SLC5A1: variants seen among roughly 807,000 people sequenced by gnomAD.
SLC5A1 encodes the protein sodium/glucose cotransporter 1.
Under a neutral mutation model 73.5 loss-of-function variants are expected in SLC5A1, and 42 were observed. That is an observed-to-expected ratio of 0.57 (90% CI 0.45 to 0.74). The LOEUF (loss-of-function observed/expected upper bound fraction) is 0.74. Ranked by LOEUF, SLC5A1 falls within the 30% of genes least tolerant of loss-of-function variation. The probability of loss-of-function intolerance (pLI) is 0.00; values close to 1 mark genes in which losing one functional copy is unlikely to be tolerated. For synonymous variants in SLC5A1, 300 were observed against 317.4 expected, an observed-to-expected ratio of 0.95 and a Z score of 0.58; for missense variants, 634 against 855.4, an observed-to-expected ratio of 0.74 and a Z score of 3.23.
chr22:32,070,256 C>A (rs1441669477), intron 5 of SLC5A1, among the ~76,000 whole-genome samples: 2 of 76,400 alleles, frequency 2.6e-5, no homozygotes, highest in Non-Finnish European at 5.3e-5. Flanking sequence ...CCCCTCCCCT[C>A]CCCCTCCCCT....
In SLC5A1 at chr22:32,082,104, G is replaced by A. The variant is rs1054997433; in HGVS notation, c.583+133G>A. On this transcript the variant is annotated intron_variant, in intron 6 of 14. Transcript: ENST00000266088. ...ACTCAGGTAAGAGTTTGGGAGTGAG[G>A]TATTTGCTTAGTACCAACTCATAGA... 1.8e-5 allele frequency: 13 copies of A among 720,314 alleles called. No homozygotes were observed. The East Asian group carries it at 2.9e-4, about 16-fold the overall frequency. 44.6% of individuals were successfully genotyped at this position (720,314 alleles called of 1,614,324 possible). A position where few individuals can be genotyped will look rare whatever the true frequency, so the allele number is the denominator to read the frequency against.
chr22:32,086,157 G>A (rs994151757), intron 9 of SLC5A1, 63 bp from the exon 10 acceptor site: 29 of 1,008,218 alleles, frequency 2.9e-5, no homozygotes, highest in Non-Finnish European at 4.1e-5. Flanking sequence ...AAAAAAAGAA[G>A]GTGAATTTTG....
chr22:32,093,522 C>T (rs2094021469), intron 11 of SLC5A1, among the ~76,000 whole-genome samples: 3 of 152,052 alleles, frequency 2.0e-5, no homozygotes, highest in African/African-American at 4.8e-5. Context: ...TCTTTCACGT[C>T]CTTGGTTAGG....
At chr22:32,070,091 G>A (rs2093980256) in intron 5 of SLC5A1, among the ~76,000 whole-genome samples, 1 of 152,048 alleles carries the variant, frequency 6.6e-6, no homozygotes, top group African/African-American at 2.4e-5. Context: ...ACCTGGAGCT[G>A]TAGGTCCACC....
In SLC5A1 at chr22:32,043,737, C is replaced by G. The variant is rs2093933402; in HGVS notation, c.135+321C>G. Among the ~76,000 whole-genome samples, 1 of 152,160 alleles carries G rather than the reference C, an allele frequency of 6.6e-6. No individual in the cohort carries two copies. Among genetic ancestry groups the G allele is most frequent in the African/African-American group, 2.4e-5 (1 of 41,434 alleles). ...GCAGGAAAGCGGCTGCTTAGAGCTA[C>G]AGGGAGGGCTCTGGGGCTTGGGAGA... On this transcript the variant is annotated intron_variant, in intron 1 of 14. Transcript: ENST00000266088. This position sits in a 1 kb window ranked among gnomAD's most constrained non-coding sequence, Gnocchi z 6.5.
At chr22:32,074,342 A>T (rs2093987422) in intron 5 of SLC5A1, among the ~76,000 whole-genome samples, 1 of 152,196 alleles carries the variant, frequency 6.6e-6, no homozygotes, top group South Asian at 2.1e-4. Flanking sequence ...GCCCCCAGGG[A>T]GCTGAGGGAC....
chr22:32,079,628 A>C (rs905473178), intron 5 of SLC5A1, among the ~76,000 whole-genome samples: 1 of 152,206 alleles, frequency 6.6e-6, no homozygotes, highest in African/African-American at 2.4e-5. Flanking sequence ...GTTTAAAGGC[A>C]GTGTCAGCTT....
chr22:32,108,548 A>C (rs1297686296), intron 14 of SLC5A1, among the ~76,000 whole-genome samples: 4 of 148,132 alleles, frequency 2.7e-5, no homozygotes, highest in Non-Finnish European at 1.5e-5. Context: ...GACAAAAGAG[A>C]GAATAGAAAG....
At chr22:32,085,791 T>G (rs1327879507) in intron 9 of SLC5A1, among the ~76,000 whole-genome samples, 3 of 152,156 alleles carry the variant, frequency 2.0e-5, no homozygotes, top group Non-Finnish European at 4.4e-5. Flanking sequence ...GCTGCACTCC[T>G]GAGGAACCAT....
At chr22:32,060,486 T>C (rs1190776913) in intron 2 of SLC5A1, among the ~76,000 whole-genome samples, 10 of 152,158 alleles carry the variant, frequency 6.6e-5, no homozygotes, top group Admixed American at 6.5e-4. Flanking sequence ...TGAGCCACTG[T>C]GCCCAGCGGG....
intron 5 of SLC5A1, among the ~76,000 whole-genome samples, chr22:32,080,736 C>T (rs2093998474): frequency 6.6e-6 from 1 of 152,228 alleles, no homozygotes; most frequent in Non-Finnish European, 1.5e-5. Flanking sequence ...TGGCTCACGC[C>T]TGTAATCCCA....
intron 1 of SLC5A1, among the ~76,000 whole-genome samples, chr22:32,049,193 ATC>A (rs1407804367): frequency 1.4e-4 from 6 of 43,116 alleles, no homozygotes; most frequent in Non-Finnish European, 4.8e-4. Flanking sequence ...CTATATCTAT[ATC>A]TATATCTATA....
chr22:32,046,545 C>T lies in SLC5A1; in HGVS notation c.135+3129C>T, dbSNP rs576297967. ...TTCCTTTTGGCTCTGGGCTCAGACG[C>T]GATGTCCTGGAACTTCTCTCATTTT... On this transcript the variant is annotated intron_variant, in intron 1 of 14. Coordinates refer to ENST00000266088, the MANE Select transcript of SLC5A1 (RefSeq NM_000343.4). 1.6e-4 allele frequency among the ~76,000 whole-genome samples: 24 copies of T among 152,286 alleles called. No individual in the cohort carries two copies. The South Asian group carries it at 4.6e-3, about 29-fold the overall frequency.
At chr22:32,094,431 G>C (rs1350449162) in intron 11 of SLC5A1, among the ~76,000 whole-genome samples, 1 of 152,080 alleles carries the variant, frequency 6.6e-6, no homozygotes, top group African/African-American at 2.4e-5. Flanking sequence ...ATTCTTCTTT[G>C]AATGTCTGGT....
At chr22:32,104,707 A>G (rs2094042032) in intron 13 of SLC5A1, 79 bp from the exon 14 acceptor site, 8 of 1,036,638 alleles carry the variant, frequency 7.7e-6, no homozygotes, top group Admixed American at 5.6e-5. Flanking sequence ...TCCTTGATGC[A>G]TATCTCTTTG....
chr22:32,077,825 T>C (rs2093993388), intron 5 of SLC5A1, among the ~76,000 whole-genome samples: 1 of 152,220 alleles, frequency 6.6e-6, no homozygotes, highest in Non-Finnish European at 1.5e-5. Flanking sequence ...ATATTTTTAC[T>C]ACATATATAT....
At position 32,043,315 on chromosome 22, in the gene SLC5A1, G is replaced by A. The variant is rs202189110; in HGVS notation, c.34G>A (p.Ala12Thr). The change falls in exon 1 of 15, where the codon GCG becomes ACG. Residue 12 changes from alanine to threonine, a missense_variant. Transcript: ENST00000266088. This position sits in a 1 kb window ranked among gnomAD's most constrained non-coding sequence, Gnocchi z 6.5. Reference sequence around the variant, plus strand: ...TAGCACCTGGAGCCCCAAGACCACCGCGGTCACCCGGCCTGTTGAGACCCA... The same window carrying A: ...TAGCACCTGGAGCCCCAAGACCACCACGGTCACCCGGCCTGTTGAGACCCA... ...DSSTWSPKTT[A>T]VTRPVETHEL... The A allele has an allele frequency of 5.0e-5, 81 of 1,614,032 alleles. No individual in the cohort carries two copies. Among genetic ancestry groups the A allele is most frequent in the Middle Eastern group, 1.6e-4 (1 of 6,084 alleles).
chr22:32,081,294 C>T (rs2093999419), intron 5 of SLC5A1, among the ~76,000 whole-genome samples: 1 of 152,094 alleles, frequency 6.6e-6, no homozygotes, highest in African/African-American at 2.4e-5. Flanking sequence ...ACCAAGCCTG[C>T]TATGTAAGAG....
intron 6 of SLC5A1, among the ~76,000 whole-genome samples, chr22:32,082,694 A>G (rs1030907581): frequency 2.6e-5 from 4 of 152,114 alleles, no homozygotes; most frequent in Admixed American, 1.3e-4. Flanking sequence ...GGGGACTAAG[A>G]AAAAGGTAGA....
Sources: allele counts gnomAD v4.1 joint callset (sites outside exome capture counted in the v4.1 genomes callset), GRCh38; gene constraint gnomAD v4.1.1; non-coding constraint Gnocchi (gnomAD v3.1); transcripts MANE v1.5; gene names NCBI Gene and HGNC (gene_info 2026-07-23, HGNC 2026-07-21).